TICAM2: variants seen among roughly 807,000 people sequenced by gnomAD.
TICAM2 encodes TIR domain containing adaptor molecule 2.
A neutral mutation model predicts 7.3 loss-of-function variants in TICAM2; 8 were observed. The observed-to-expected ratio is 1.10, with a 90% CI of 0.65 to 1.99. The LOEUF is 1.99. Among genes scored for constraint, TICAM2 ranks in the 30% most tolerant of loss-of-function variants. The probability of loss-of-function intolerance (pLI) is 0.00; values close to 1 mark genes in which losing one functional copy is unlikely to be tolerated. For missense variants in TICAM2, 304 were observed against 278.8 expected, an observed-to-expected ratio of 1.09 and a Z score of -0.65; for synonymous variants, 113 against 99.6, an observed-to-expected ratio of 1.13 and a Z score of -0.80.
rs1009498644 is a variant in TICAM2, at chr5:115,580,169, T to C, written c.*380A>G. 6.1e-6 allele frequency: 1 copy of C among 165,056 alleles called. No homozygotes were observed. The highest frequency in any genetic ancestry group is 2.4e-5 in the African/African-American group (1 of 41,658). The allele number at this position is 165,056 out of a possible 1,614,324, so 10.2% of individuals were successfully genotyped here. A position where few individuals can be genotyped will look rare whatever the true frequency, so the allele number is the denominator to read the frequency against. On this transcript the variant is annotated 3_prime_UTR_variant, in exon 2 of 2. Transcript: ENST00000427199. ...AGTGTGATCAGATCTCCTGGGGCCA[T>C]TTTTTTTCTGTGTCCTTTGAGATCA... is the stretch of plus-strand genomic sequence containing the variant.
intron 1 of TICAM2, among the ~76,000 whole-genome samples, chr5:115,589,924 G>T (rs1009928587): frequency 1.3e-5 from 2 of 152,194 alleles, no homozygotes; most frequent in Non-Finnish European, 2.9e-5. Flanking sequence ...TAGAGAGAAA[G>T]CCAAACAGAT....
intron 1 of TICAM2, among the ~76,000 whole-genome samples, chr5:115,586,064 G>A (rs1755093669): frequency 6.6e-6 from 1 of 152,126 alleles, no homozygotes; most frequent in African/African-American, 2.4e-5. Flanking sequence ...GTTCCAGCAG[G>A]GAGATGCATA....
At chr5:115,588,901 G>A (rs1253980461) in intron 1 of TICAM2, among the ~76,000 whole-genome samples, 1 of 152,132 alleles carries the variant, frequency 6.6e-6, no homozygotes, top group East Asian at 1.9e-4. Context: ...TCTGTTATAT[G>A]GCTTTGAGAG....
rs543877955 is a variant in TICAM2 at position 115,590,784 on chromosome 5, C to T, written c.-59-9469G>A. Among the ~76,000 whole-genome samples the T allele has an allele frequency of 5.9e-5, 9 of 152,250 alleles. No individual in the cohort carries two copies. In the East Asian group the frequency reaches 1.5e-3, roughly 26 times the overall value. On this transcript the variant is annotated intron_variant, in intron 1 of 1. Coordinates refer to ENST00000427199, the MANE Select transcript of TICAM2 (RefSeq NM_021649.7). ...TTTCTTTCTATTCCAAAGATATAGG[C>T]TACAAAGGAAAGAGGAAATAACTCC...
At chr5:115,589,873 AAATT>A (rs1755238887) in intron 1 of TICAM2, among the ~76,000 whole-genome samples, 2 of 152,218 alleles carry the variant, frequency 1.3e-5, no homozygotes, top group Admixed American at 6.5e-5. Context: ...GTGAATGAAT[AAATT>A]AATTAGCTCC....
chr5:115,585,737 G>A (rs752668441), intron 1 of TICAM2, among the ~76,000 whole-genome samples: 1 of 152,190 alleles, frequency 6.6e-6, no homozygotes, highest in Non-Finnish European at 1.5e-5. Flanking sequence ...GGAGATAAGC[G>A]AGAGCAGAAG....
chr5:115,587,095 A>T (rs1325658435), intron 1 of TICAM2, among the ~76,000 whole-genome samples: 1 of 152,198 alleles, frequency 6.6e-6, no homozygotes, highest in East Asian at 1.9e-4. Context: ...AAGTCCATGA[A>T]GGAGGAGGCA....
At position 115,602,298 on chromosome 5, in the gene TICAM2, G is replaced by A. The variant is rs1303243374; in HGVS notation, c.-261C>T. On this transcript the variant is annotated 5_prime_UTR_variant, in exon 1 of 2. Transcript: ENST00000427199. ...TGCAGAGCCCGGACGCGCGTGAGTC[G>A]GGGGCCCGCAGAGGCCTCACCCTTG... 2.6e-5 allele frequency: 4 copies of A among 152,318 alleles called. No homozygotes were observed. Among genetic ancestry groups the A allele is most frequent in the Non-Finnish European group, 4.4e-5 (3 of 68,204 alleles). 9.4% of individuals were successfully genotyped at this position (152,318 alleles called of 1,614,324 possible).
intron 1 of TICAM2, among the ~76,000 whole-genome samples, chr5:115,582,323 TTTTTTTTTTTTTTGG>T (rs1180760174): frequency 1.6e-4 from 22 of 135,856 alleles, no homozygotes; most frequent in Admixed American, 2.2e-4. Context: ...ACCTGGCTAA[TTTTTTTTTTTTTTGG>T]TTTTTTTTTT....
At chr5:115,588,096 T>C (rs1056979552) in intron 1 of TICAM2, among the ~76,000 whole-genome samples, 2 of 151,934 alleles carry the variant, frequency 1.3e-5, no homozygotes, top group Admixed American at 6.6e-5. Flanking sequence ...GAGGAAAAGG[T>C]TGGCTGAGAG....
chr5:115,584,697 A>C (rs1419510023), intron 1 of TICAM2, among the ~76,000 whole-genome samples: 1 of 152,234 alleles, frequency 6.6e-6, no homozygotes, highest in Non-Finnish European at 1.5e-5. Context: ...ATTACTGTTG[A>C]CCAAAGCCCA....
At chr5:115,596,288 A>C (rs780994064) in intron 1 of TICAM2, among the ~76,000 whole-genome samples, 39 of 152,248 alleles carry the variant, frequency 2.6e-4, no homozygotes, top group Non-Finnish European at 5.7e-4. Context: ...TCTCCACTCA[A>C]CAGCCAGGAT....
Position 115,602,150 on chromosome 5 carries a change from G to A in TICAM2, c.-113C>T, listed in dbSNP as rs999416870. ...CGCGGCTTTTCTGTCTTCCTTTCTG[G>A]CCCAGCGAGAGCGCCCAGGGGGTGG... On this transcript the variant is annotated 5_prime_UTR_variant, in exon 1 of 2. Transcript: ENST00000427199. The A allele has an allele frequency of 1.3e-5, 2 of 152,258 alleles. No individual in the cohort carries two copies. The highest frequency in any genetic ancestry group is 2.4e-5 in the African/African-American group (1 of 41,444). The allele number at this position is 152,258 out of a possible 1,614,324, so 9.4% of individuals were successfully genotyped here.
At chr5:115,593,491 A>C (rs1021066851) in intron 1 of TICAM2, among the ~76,000 whole-genome samples, 5 of 152,230 alleles carry the variant, frequency 3.3e-5, no homozygotes, top group Middle Eastern at 3.2e-3. Flanking sequence ...ATTTCCACAC[A>C]GAAATATTAG....
At chr5:115,585,175 T>C (rs907326889) in intron 1 of TICAM2, among the ~76,000 whole-genome samples, 5 of 152,226 alleles carry the variant, frequency 3.3e-5, no homozygotes, top group African/African-American at 1.2e-4. Flanking sequence ...AGGGGTTTTA[T>C]GAAGATCAAA....
At chr5:115,589,665 G>A (rs1364351940) in intron 1 of TICAM2, among the ~76,000 whole-genome samples, 1 of 152,164 alleles carries the variant, frequency 6.6e-6, no homozygotes, top group East Asian at 1.9e-4. Flanking sequence ...TTAGAGTTAT[G>A]GGATCTATCA....
chr5:115,595,517 T>C (rs553297341), intron 1 of TICAM2, among the ~76,000 whole-genome samples: 1 of 152,316 alleles, frequency 6.6e-6, no homozygotes, highest in South Asian at 2.1e-4. Flanking sequence ...ATCCAACTAG[T>C]TTCATTGCCT....
In TICAM2 at chr5:115,581,140, A is replaced by C; in HGVS notation, c.117T>G (p.Asp39Glu). Reference protein sequence around the residue: ...YHESDSKKSEDLSLCNVAEHS... With the variant: ...YHESDSKKSEELSLCNVAEHS... ...GCTCAGCAACATTACACAAGGATAGATCTTCAGACTTCTTGGAATCTGACT... is the reference window on the plus strand; with the variant it reads ...GCTCAGCAACATTACACAAGGATAGCTCTTCAGACTTCTTGGAATCTGACT... The change falls in exon 2 of 2, where the codon GAT (aspartate) becomes GAG (glutamate). Residue 39 changes from aspartate (D) to glutamate (E), a missense_variant. Coordinates refer to ENST00000427199, the MANE Select transcript of TICAM2 (RefSeq NM_021649.7). 4 of 1,614,074 alleles carry C rather than the reference A, an allele frequency of 2.5e-6. No individual in the cohort carries two copies. The highest frequency in any genetic ancestry group is 2.5e-6 in the Non-Finnish European group (3 of 1,180,022).
chr5:115,597,530 A>G (rs935307649), intron 1 of TICAM2, among the ~76,000 whole-genome samples: 6 of 152,230 alleles, frequency 3.9e-5, no homozygotes, highest in African/African-American at 1.4e-4. Flanking sequence ...AATTTTAATG[A>G]CATGAGAAAA....
Sources: gnomAD v4.1 joint callset for allele counts (sites outside exome capture counted in the v4.1 genomes callset) on GRCh38, gnomAD v4.1.1 for gene constraint, MANE v1.5 for transcripts, NCBI Gene and HGNC (gene_info 2026-07-23, HGNC 2026-07-21) for gene names.